GAS7: variants seen among roughly 807,000 people sequenced by gnomAD.
GAS7 encodes growth arrest-specific protein 7.
GAS7 carries 28 observed loss-of-function variants against 71.1 expected under a neutral mutation model. The ratio of observed to expected loss-of-function variants is 0.39; its 90% CI spans 0.29 to 0.54. The LOEUF (loss-of-function observed/expected upper bound fraction) is 0.54, where lower values mean the gene tolerates loss of function less well. Ranked by LOEUF, GAS7 falls within the 20% of genes least tolerant of loss-of-function variation. The pLI, the probability that GAS7 is intolerant of heterozygous loss-of-function variation, is 0.62. For missense variants in GAS7, 436 were observed against 627.8 expected, an observed-to-expected ratio of 0.69 and a Z score of 3.27; for synonymous variants, 258 against 245.8, an observed-to-expected ratio of 1.05 and a Z score of -0.46.
intron 1 of GAS7, among the ~76,000 whole-genome samples, chr17:10,153,913 A>G (rs1262413660): frequency 1.3e-5 from 2 of 152,056 alleles, no homozygotes; most frequent in African/African-American, 4.8e-5. Context: ...AAAAACAACA[A>G]GTTTTAAAAT....
chr17:10,196,088 G>A (rs768239294), intron 1 of GAS7, among the ~76,000 whole-genome samples: 27 of 152,082 alleles, frequency 1.8e-4, no homozygotes, highest in Non-Finnish European at 2.5e-4. Flanking sequence ...TCCCCTTCGC[G>A]GTGCTGTCAC....
intron 1 of GAS7, among the ~76,000 whole-genome samples, chr17:10,041,675 T>C (rs2072872890): frequency 6.6e-6 from 1 of 152,244 alleles, no homozygotes; most frequent in Non-Finnish European, 1.5e-5. Flanking sequence ...GAAGTCACTT[T>C]GGTTTTCCTT....
chr17:9,933,391 G>T (rs990058315), intron 9 of GAS7, among the ~76,000 whole-genome samples: 1 of 152,180 alleles, frequency 6.6e-6, no homozygotes, highest in African/African-American at 2.4e-5. Context: ...CTCAGGGGCT[G>T]CCCTGAGAAA....
intron 1 of GAS7, among the ~76,000 whole-genome samples, chr17:10,028,125 G>A (rs778947339): frequency 1.3e-5 from 2 of 152,144 alleles, no homozygotes; most frequent in African/African-American, 2.4e-5. Flanking sequence ...GGATGGTCTC[G>A]ATCTCTTGAC....
At chr17:10,043,038 C>G (rs553690760) in intron 1 of GAS7, among the ~76,000 whole-genome samples, 1 of 152,280 alleles carries the variant, frequency 6.6e-6, no homozygotes, top group Admixed American at 6.5e-5. Context: ...CTGGAGGCAT[C>G]TGCTCAGAGA....
chr17:9,991,452 T>G (rs755939431), intron 2 of GAS7, among the ~76,000 whole-genome samples: 1 of 152,196 alleles, frequency 6.6e-6, no homozygotes, highest in African/African-American at 2.4e-5. Context: ...ACTGTGTTAC[T>G]GATGGGATGA....
At chr17:10,045,994 T>C (rs1035698268) in intron 1 of GAS7, among the ~76,000 whole-genome samples, 2 of 152,168 alleles carry the variant, frequency 1.3e-5, no homozygotes, top group African/African-American at 4.8e-5. Context: ...AAAATAAATA[T>C]AACTTTAAAA....
chr17:9,984,661 A>T (rs185773517), intron 2 of GAS7, among the ~76,000 whole-genome samples: 1 of 152,288 alleles, frequency 6.6e-6, no homozygotes, highest in Non-Finnish European at 1.5e-5. Context: ...GAATCATCTG[A>T]ACTCTATATT....
intron 1 of GAS7, among the ~76,000 whole-genome samples, chr17:10,038,414 C>T (rs966641192): frequency 2.0e-5 from 3 of 152,164 alleles, no homozygotes; most frequent in African/African-American, 7.2e-5. Flanking sequence ...GGATTGAGAA[C>T]TGTTGGAACC....
chr17:9,942,400 C>T (rs924213148), intron 7 of GAS7, among the ~76,000 whole-genome samples: 1 of 151,982 alleles, frequency 6.6e-6, no homozygotes, highest in African/African-American at 2.4e-5. Flanking sequence ...GTGTGCTGAA[C>T]AGAGCCTCAG....
chr17:10,095,690 C>T (rs1029146615), intron 1 of GAS7, among the ~76,000 whole-genome samples: 2 of 151,330 alleles, frequency 1.3e-5, no homozygotes, highest in African/African-American at 4.9e-5. Flanking sequence ...CATGGTGGTG[C>T]ATGCCTGTAA....
At chr17:10,162,241 C>T (rs927705995) in intron 1 of GAS7, among the ~76,000 whole-genome samples, 9 of 106 alleles carry the variant, frequency 0.085, no homozygotes, top group African/African-American at 0.2. Flanking sequence ...CCTGAAGAAG[C>T]AGCGCTGCCC....
intron 1 of GAS7, among the ~76,000 whole-genome samples, chr17:10,039,950 C>A (rs529656609): frequency 6.6e-6 from 1 of 152,136 alleles, no homozygotes; most frequent in Admixed American, 6.5e-5. Flanking sequence ...GACAGCAGGG[C>A]CCATCTCTTC....
intron 11 of GAS7, among the ~76,000 whole-genome samples, chr17:9,920,521 T>C (rs2067768040): frequency 6.6e-6 from 1 of 152,258 alleles, no homozygotes; most frequent in African/African-American, 2.4e-5. Context: ...TACCAGCACC[T>C]TGGAACCTTG....
chr17:9,918,144 C>T (rs753687681), intron 12 of GAS7, 45 bp from the exon 13 acceptor site: 3 of 1,391,850 alleles, frequency 2.2e-6, no homozygotes, highest in East Asian at 2.3e-5. Flanking sequence ...ACGTCCCCTC[C>T]ACTTGGGGGT....
intron 1 of GAS7, among the ~76,000 whole-genome samples, chr17:10,038,350 A>G (rs529979344): frequency 7.7e-4 from 117 of 152,300 alleles, no homozygotes; most frequent in African/African-American, 2.7e-3. Context: ...GCTCTGTCTC[A>G]AAACAAACAA....
At chr17:9,948,258 G>A in intron 5 of GAS7, among the ~76,000 whole-genome samples, 1 of 152,218 alleles carries the variant, frequency 6.6e-6, no homozygotes, top group Non-Finnish European at 1.5e-5. Context: ...TTTGCATATA[G>A]AATATTCCTG....
At position 10,172,133 on chromosome 17, in the gene GAS7, T is replaced by C. The variant is rs115017321; in HGVS notation, c.183+26075A>G. On this transcript the variant is annotated intron_variant, in intron 1 of 13. Coordinates refer to ENST00000432992, the MANE Select transcript of GAS7 (RefSeq NM_201433.2). ...GTCTGCTTGTTTGGATTCTAATATCTGCCTAACTACCCATCAATCTGGCTA... is the reference window on the plus strand; with the variant it reads ...GTCTGCTTGTTTGGATTCTAATATCCGCCTAACTACCCATCAATCTGGCTA... Among the ~76,000 whole-genome samples the C allele has an allele frequency of 9.9e-4, 151 of 152,346 alleles. 1 individual carries two copies. Among genetic ancestry groups the C allele is most frequent in the African/African-American group, 3.4e-3 (141 of 41,586 alleles).
chr17:9,952,682 C>T (rs548516957), intron 5 of GAS7, among the ~76,000 whole-genome samples: 11 of 152,238 alleles, frequency 7.2e-5, no homozygotes, highest in South Asian at 4.1e-4. Flanking sequence ...CGTGAGTCAC[C>T]GCGCCCGGCC....
Sources: allele counts gnomAD v4.1 joint callset (sites outside exome capture counted in the v4.1 genomes callset), GRCh38; gene constraint gnomAD v4.1.1; transcripts MANE v1.5; gene names NCBI Gene and HGNC (gene_info 2026-07-23, HGNC 2026-07-21).